Variants in ZPBP observed in about 807,000 individuals in gnomAD.
ZPBP encodes zona pellucida-binding protein 1.
Under a neutral mutation model 44.8 loss-of-function variants are expected in ZPBP, and 26 were observed. That is an observed-to-expected ratio of 0.58 (90% CI 0.43 to 0.81). The LOEUF is 0.81. Ranked by LOEUF, ZPBP falls within the 30% of genes least tolerant of loss-of-function variation. The pLI is 0.00. For missense variants in ZPBP, 409 were observed against 434.0 expected (o/e 0.94, Z 0.51); for synonymous variants, 174 against 153.2 (o/e 1.14, Z -1.00).
intron 6 of ZPBP, among the ~76,000 whole-genome samples, chr7:50,012,010 G>A (rs527560411): frequency 2.7e-5 from 4 of 148,250 alleles, no homozygotes; most frequent in Admixed American, 2.0e-4. Context: ...CAGCCTAGGC[G>A]ACAGAGTGAG....
At chr7:50,085,587 G>A (rs1194358836) in intron 2 of ZPBP, among the ~76,000 whole-genome samples, 2 of 152,152 alleles carry the variant, frequency 1.3e-5, no homozygotes, top group South Asian at 2.1e-4. Context: ...ATCAGTATGC[G>A]AACTGTCAGT....
At chr7:50,081,579 G>C (rs981925824) in intron 3 of ZPBP, among the ~76,000 whole-genome samples, 195 bp downstream of exon 3, 4 of 151,752 alleles carry the variant, frequency 2.6e-5, no homozygotes, top group Non-Finnish European at 5.9e-5. Context: ...CATTCTTAGA[G>C]TATGTCCCTG....
intron 1 of ZPBP, among the ~76,000 whole-genome samples, chr7:49,905,573 T>C (rs1793040704): frequency 6.6e-6 from 1 of 152,210 alleles, no homozygotes; most frequent in Non-Finnish European, 1.5e-5. Flanking sequence ...GTGTGCATTG[T>C]ACTTTGTGTG....
intron 6 of ZPBP, among the ~76,000 whole-genome samples, chr7:50,012,608 TG>T (rs1562844568): frequency 6.6e-6 from 1 of 150,920 alleles, no homozygotes; most frequent in Non-Finnish European, 1.5e-5. Flanking sequence ...AACACCCATT[TG>T]TAATGTAATC....
chr7:50,008,213 T>C (rs547233293), intron 6 of ZPBP, among the ~76,000 whole-genome samples: 17 of 152,026 alleles, frequency 1.1e-4, no homozygotes, highest in Admixed American at 1.0e-3. Flanking sequence ...ATATCAGTTG[T>C]TTTCCTATAC....
At chr7:49,853,345 C>A (rs569367306) in intron 2 of ZPBP, among the ~76,000 whole-genome samples, 16 of 152,342 alleles carry the variant, frequency 1.1e-4, no homozygotes, top group Admixed American at 8.5e-4. Flanking sequence ...CCTCCCCAGG[C>A]CCAGGAAGTC....
downstream of ZPBP, among the ~76,000 whole-genome samples, chr7:49,847,442 T>C (rs1282394452): frequency 6.6e-6 from 1 of 152,098 alleles, no homozygotes; most frequent in African/African-American, 2.4e-5. Flanking sequence ...CAGGGATCCC[T>C]GACCATTATT....
intron 7 of ZPBP, among the ~76,000 whole-genome samples, chr7:49,978,783 A>G (rs1796642198): frequency 6.6e-6 from 1 of 152,014 alleles, no homozygotes; most frequent in Non-Finnish European, 1.5e-5. Context: ...AATTTGTTAA[A>G]TCATTTTCTA....
chr7:49,943,370 C>G, intron 7 of ZPBP: 2 of 355,280 alleles, frequency 5.6e-6, no homozygotes, highest in Non-Finnish European at 5.4e-6. Context: ...GAAGCATAAC[C>G]AACATATCAA....
At chr7:49,957,940 G>A (rs1381304844) in intron 7 of ZPBP, among the ~76,000 whole-genome samples, 5 of 152,230 alleles carry the variant, frequency 3.3e-5, no homozygotes, top group Non-Finnish European at 7.3e-5. Flanking sequence ...GAGCCCTTGA[G>A]GGCACAACCC....
Position 50,058,065 on chromosome 7 carries a change from A to C in ZPBP, c.411T>G (p.Ile137Met), listed in dbSNP as rs1444527736. The C allele has an allele frequency of 1.2e-6, 2 of 1,613,608 alleles. No homozygotes were observed. Among genetic ancestry groups the C allele is most frequent in the African/African-American group, 1.3e-5 (1 of 74,914 alleles). ...GTTTATATTCGAGGAAACATGTATA[A>C]ATTCCACTCATACTCTCCTCAAAAT... ...FQNFEESMSG[I>M]YTCFLEYKPT... The change falls in exon 4 of 8, where the codon ATT becomes ATG. Residue 137 changes from isoleucine (I) to methionine (M), a missense_variant. By Grantham distance (10) the Ile-to-Met change is conservative. Around this residue, in one of 2 missense-constraint regions of ZPBP, gnomAD observed 367 missense variants for 363.1 expected, o/e 1.01. Transcript: ENST00000046087.
chr7:50,070,664 T>C (rs1368376417), intron 3 of ZPBP, among the ~76,000 whole-genome samples: 6 of 152,156 alleles, frequency 3.9e-5, no homozygotes, highest in African/African-American at 1.4e-4. Context: ...ACCAGCCCAG[T>C]TGGATTAACA....
the ZPBP span, among the ~76,000 whole-genome samples, chr7:49,840,871 T>G: frequency 6.6e-6 from 1 of 152,166 alleles, no homozygotes; most frequent in East Asian, 1.9e-4. Flanking sequence ...GAGTCAGAGC[T>G]GTTGCCCTGT....
chr7:50,008,111 A>C (rs878905032), intron 6 of ZPBP, among the ~76,000 whole-genome samples: 1 of 152,128 alleles, frequency 6.6e-6, no homozygotes, highest in Non-Finnish European at 1.5e-5. Context: ...GATCTTACAT[A>C]CAGAAAACTT....
chr7:50,082,512 T>A (rs1368991986), intron 2 of ZPBP, among the ~76,000 whole-genome samples: 1 of 151,868 alleles, frequency 6.6e-6, no homozygotes, highest in Non-Finnish European at 1.5e-5. Context: ...TCCATTATTT[T>A]AAGTTTACTC....
chr7:50,083,156 T>A (rs1355083708), intron 2 of ZPBP, among the ~76,000 whole-genome samples: 1 of 151,852 alleles, frequency 6.6e-6, no homozygotes, highest in Admixed American at 6.6e-5. Flanking sequence ...CACTAACCCC[T>A]GTACCTATTT....
chr7:49,924,781 TA>T (rs1192533128), intron 1 of ZPBP, among the ~76,000 whole-genome samples: 1 of 152,082 alleles, frequency 6.6e-6, no homozygotes, highest in African/African-American at 2.4e-5. Context: ...AAACAACCAT[TA>T]AAAAACTCTG....
chr7:49,857,200 C>T (rs771321437), intron 2 of ZPBP, among the ~76,000 whole-genome samples: 4 of 152,076 alleles, frequency 2.6e-5, no homozygotes, highest in Non-Finnish European at 5.9e-5. Flanking sequence ...CTACCCCCAA[C>T]CCCTGGCAAC....
chr7:49,924,849 C>T (rs562540740), intron 1 of ZPBP, among the ~76,000 whole-genome samples: 1 of 152,234 alleles, frequency 6.6e-6, no homozygotes, highest in South Asian at 2.1e-4. Flanking sequence ...GGAACGACAC[C>T]CCAGTCTGTT....
Sources: allele counts gnomAD v4.1 joint callset (sites outside exome capture counted in the v4.1 genomes callset), GRCh38; gene constraint gnomAD v4.1.1; regional missense constraint gnomAD v4.1.1; transcripts MANE v1.5; gene names NCBI Gene and HGNC (gene_info 2026-07-23, HGNC 2026-07-21).